The following PTPRR variants were observed in gnomAD, a reference collection of about 807,000 sequenced individuals.
PTPRR encodes receptor-type tyrosine-protein phosphatase R.
Under a neutral mutation model 77.2 loss-of-function variants are expected in PTPRR, and 38 were observed. The observed-to-expected ratio is 0.49, with a 90% CI of 0.38 to 0.65. The LOEUF (loss-of-function observed/expected upper bound fraction) is 0.65. Ranked by LOEUF, PTPRR falls within the 30% of genes least tolerant of loss-of-function variation. The pLI is 0.00. For synonymous variants in PTPRR, 299 were observed against 283.1 expected, an observed-to-expected ratio of 1.06 and a Z score of -0.57; for missense variants, 744 against 799.2, an observed-to-expected ratio of 0.93 and a Z score of 0.83.
At chr12:70,668,275 G>GGAA (rs200650764) in intron 10 of PTPRR, among the ~76,000 whole-genome samples, 4 of 152,034 alleles carry the variant, frequency 2.6e-5, no homozygotes, top group African/African-American at 9.7e-5. Context: ...AAGAAGAGGA[G>GGAA]GAAGAGGAGG....
intron 2 of PTPRR, among the ~76,000 whole-genome samples, chr12:70,857,697 G>A (rs1892676779): frequency 6.6e-6 from 1 of 152,134 alleles, no homozygotes; most frequent in East Asian, 1.9e-4. Flanking sequence ...CTGCTTGTAA[G>A]ATTGTCTATG....
rs71068723 is a variant in PTPRR, at chr12:70,728,528, AATATATATATATATATAT to A, written c.1007+17272_1007+17289del. ...TATATGGCAAATATTCCAAAATCTGAATATATATATATATATATATATATATATATATATATGCCAGTT... is the reference window on the plus strand; with the variant it reads ...TATATGGCAAATATTCCAAAATCTGAATATATATATATATATATGCCAGTT... On this transcript the variant is annotated intron_variant, in intron 6 of 13. Transcript: ENST00000283228. 6.1e-4 allele frequency among the ~76,000 whole-genome samples: 49 copies of A among 80,136 alleles called. 2 individuals carry two copies. Among genetic ancestry groups the A allele is most frequent in the South Asian group, 4.5e-4 (1 of 2,226 alleles). The allele number at this position is 80,136 out of a possible 152,430, so 52.6% of individuals were successfully genotyped here.
At chr12:70,882,694 G>A (rs12317540) in intron 2 of PTPRR, among the ~76,000 whole-genome samples, 17,917 of 151,770 alleles carry the variant, frequency 0.12, 1,921 homozygotes, top group African/African-American at 0.29. Context: ...TAATGTTTAG[G>A]CTTATATTAC....
At chr12:70,744,351 A>G (rs1417919040) in intron 6 of PTPRR, among the ~76,000 whole-genome samples, 1 of 152,168 alleles carries the variant, frequency 6.6e-6, no homozygotes, top group African/African-American at 2.4e-5. Context: ...CAATTTAGTG[A>G]TATCTACGTA....
chr12:70,889,179 C>G (rs1893291948), intron 2 of PTPRR, among the ~76,000 whole-genome samples: 1 of 152,172 alleles, frequency 6.6e-6, no homozygotes, highest in Admixed American at 6.5e-5. Context: ...TGTACATAGA[C>G]TAAGCCCATC....
chr12:70,872,720 AC>A (rs1892983196), intron 2 of PTPRR, among the ~76,000 whole-genome samples: 2 of 143,094 alleles, frequency 1.4e-5, no homozygotes, highest in African/African-American at 5.0e-5. Context: ...AAAAAAAAAA[AC>A]AATCCACCAA....
Position 70,674,331 on chromosome 12 carries a change from T to A in PTPRR, c.1497+9796A>T, listed in dbSNP as rs555875152. On this transcript the variant is annotated intron_variant, in intron 10 of 13. Transcript: ENST00000283228. Reference sequence around the variant, plus strand: ...TTCATTTTATAGTTCTTTTACTAACTTAAGTCTGTTGCTTAGATCACAAAT... The same window carrying A: ...TTCATTTTATAGTTCTTTTACTAACATAAGTCTGTTGCTTAGATCACAAAT... Among the ~76,000 whole-genome samples the A allele has an allele frequency of 8.5e-5, 13 of 152,314 alleles. No homozygotes were observed. The South Asian group carries it at 2.5e-3, about 29-fold the overall frequency.
In PTPRR at chr12:70,701,205, G is replaced by T; in HGVS notation, c.1126C>A (p.Arg376=). 6.2e-7 allele frequency: 1 copy of T among 1,613,896 alleles called. No individual in the cohort carries two copies. The highest frequency in any genetic ancestry group is 1.3e-5 in the African/African-American group (1 of 75,016). ...CTCAGCTGAGACCTTGTGAGAATTCGGCTGGCTGACTGCAGATACTCCATT... is the reference window on the plus strand; with the variant it reads ...CTCAGCTGAGACCTTGTGAGAATTCTGCTGGCTGACTGCAGATACTCCATT... ...VAMEYLQSAS[R]ILTRSQLRDV... The change falls in exon 7 of 14, where the codon CGA becomes AGA. Residue 376 remains arginine (R), a synonymous_variant. Coordinates refer to ENST00000283228, the MANE Select transcript of PTPRR (RefSeq NM_002849.4).
chr12:70,791,714 A>G (rs1891424845), intron 2 of PTPRR, among the ~76,000 whole-genome samples: 1 of 152,334 alleles, frequency 6.6e-6, no homozygotes, highest in African/African-American at 2.4e-5. Context: ...ATATATGTAT[A>G]TGGTAATTAC....
intron 1 of PTPRR, among the ~76,000 whole-genome samples, chr12:70,916,334 G>A (rs1893775371): frequency 6.6e-6 from 1 of 151,706 alleles, no homozygotes; most frequent in African/African-American, 2.4e-5. Flanking sequence ...GCTGGAGAGA[G>A]GTAAAAAAAG....
chr12:70,672,324 T>G, intron 10 of PTPRR: 1 of 1,558,280 alleles, frequency 6.4e-7, no homozygotes, highest in Non-Finnish European at 8.8e-7. Context: ...TTCAGCAAGT[T>G]TGCCAACTCC....
intron 1 of PTPRR, among the ~76,000 whole-genome samples, chr12:70,895,034 T>C (rs569008776): frequency 6.6e-6 from 1 of 151,812 alleles, no homozygotes; most frequent in East Asian, 1.9e-4. Context: ...TATCGTGGAA[T>C]AAAGCACTTG....
intron 2 of PTPRR, among the ~76,000 whole-genome samples, chr12:70,829,249 GAAATAAAT>G (rs71895366): frequency 2.4e-4 from 36 of 149,174 alleles, no homozygotes; most frequent in East Asian, 3.9e-4. Context: ...GAAGGAAAGA[GAAATAAAT>G]AAATAAATAA....
At chr12:70,706,759 A>C (rs12824655) in intron 6 of PTPRR, among the ~76,000 whole-genome samples, 10,367 of 152,166 alleles carry the variant, frequency 0.068, 472 homozygotes, top group South Asian at 0.12. Context: ...TTACTCTTGA[A>C]ATATTGACCT....
chr12:70,799,258 A>G (rs1409461966), intron 2 of PTPRR, among the ~76,000 whole-genome samples: 2 of 152,222 alleles, frequency 1.3e-5, no homozygotes, highest in Admixed American at 6.5e-5. Context: ...ATATACACAT[A>G]CCACATGTAT....
chr12:70,720,682 C>G (rs996529692), intron 6 of PTPRR, among the ~76,000 whole-genome samples: 1 of 151,978 alleles, frequency 6.6e-6, no homozygotes, highest in Non-Finnish European at 1.5e-5. Context: ...CAGGGTTTCT[C>G]CATGTTGCCC....
intron 6 of PTPRR, among the ~76,000 whole-genome samples, chr12:70,703,102 G>A (rs941886982): frequency 6.7e-6 from 1 of 150,236 alleles, no homozygotes; most frequent in Admixed American, 6.6e-5. Flanking sequence ...CAATAATTAT[G>A]CTTGTTATTT....
chr12:70,902,853 C>G (rs765815694), intron 1 of PTPRR, among the ~76,000 whole-genome samples: 3 of 151,674 alleles, frequency 2.0e-5, no homozygotes, highest in African/African-American at 7.3e-5. Flanking sequence ...ACCCATGTAA[C>G]AAAACACCCC....
chr12:70,712,867 C>CTCT (rs1888877803), intron 6 of PTPRR, among the ~76,000 whole-genome samples: 1 of 150,344 alleles, frequency 6.7e-6, no homozygotes, highest in Non-Finnish European at 1.5e-5. Flanking sequence ...TATATATACT[C>CTCT]CCTCCTCTTT....
Sources: gnomAD v4.1 joint callset for allele counts (sites outside exome capture counted in the v4.1 genomes callset) on GRCh38, gnomAD v4.1.1 for gene constraint, MANE v1.5 for transcripts, NCBI Gene and HGNC (gene_info 2026-07-23, HGNC 2026-07-21) for gene names.